TAC1: variants seen among roughly 807,000 people sequenced by gnomAD.
TAC1 encodes the protein protachykinin-1.
In TAC1, 12 loss-of-function variants were observed where a neutral mutation model predicts 21.7. The ratio of observed to expected loss-of-function variants is 0.55; its 90% CI spans 0.35 to 0.89. The LOEUF is 0.89. Among genes scored for constraint, TAC1 ranks in the 40% least tolerant of loss-of-function variants. TAC1 has a pLI of 0.01. For synonymous variants in TAC1, 52 were observed against 52.0 expected (o/e 1.00, Z 0.00); for missense variants, 128 against 151.4 (o/e 0.85, Z 0.81).
At position 97,739,905 on chromosome 7, in the gene TAC1, T is replaced by C. The variant is rs781368234; in HGVS notation, c.375T>C (p.Tyr125=). Residue 125 remains tyrosine (Y), a synonymous_variant, in exon 7 of 7, where the codon TAT becomes TAC. Coordinates refer to ENST00000319273, the MANE Select transcript of TAC1 (RefSeq NM_003182.3). ...VAYERSAMQN[Y]ERRR is the part of the protein sequence containing the mutation. ...ATGAAAGGAGTGCAATGCAGAATTA[T>C]GAAAGAAGACGTTAATAAACTACCT... The C allele has an allele frequency of 1.2e-6, 2 of 1,604,628 alleles. No individual in the cohort carries two copies. Among genetic ancestry groups the C allele is most frequent in the South Asian group, 2.2e-5 (2 of 89,166 alleles).
intron 3 of TAC1, 53 bp downstream of exon 3, chr7:97,733,872 A>T: frequency 6.4e-7 from 1 of 1,551,336 alleles, no homozygotes; most frequent in East Asian, 2.2e-5. Flanking sequence ...CTGTCTGCTC[A>T]CTCCTTCCTG....
intron 6 of TAC1, among the ~76,000 whole-genome samples, chr7:97,738,788 C>A (rs1392174473): frequency 1.3e-5 from 2 of 151,868 alleles, no homozygotes; most frequent in Non-Finnish European, 2.9e-5. Flanking sequence ...TCCTACAGAT[C>A]CTTCACAGAT....
chr7:97,733,268 G>A (rs1789476934), intron 2 of TAC1, among the ~76,000 whole-genome samples: 1 of 152,218 alleles, frequency 6.6e-6, no homozygotes. Context: ...TACAGGCGCT[G>A]GGGAGCGCGC....
At chr7:97,733,851 G>A (rs753573932) in intron 3 of TAC1, 32 bp downstream of exon 3, 1 of 1,604,952 alleles carries the variant, frequency 6.2e-7, no homozygotes, top group Non-Finnish European at 8.5e-7. Flanking sequence ...AGGTGTCTTG[G>A]GCAGCCCGCC....
At position 97,732,562 on chromosome 7, in the gene TAC1, T is replaced by C; in HGVS notation, c.-9-42T>C. The C allele has an allele frequency of 6.2e-7, 1 of 1,611,036 alleles. No homozygotes were observed. Among genetic ancestry groups the C allele is most frequent in the Non-Finnish European group, 8.5e-7 (1 of 1,178,482 alleles). On this transcript the variant is annotated intron_variant, in intron 1 of 6. Transcript: ENST00000319273. This position sits in a 1 kb window ranked among gnomAD's most constrained non-coding sequence, Gnocchi z 6.2. Reference sequence around the variant, plus strand: ...TGGATAACCACCCCTAATAGATACATTATTTCTCTCTTTGGTGTCTTCTCC... The same window carrying C: ...TGGATAACCACCCCTAATAGATACACTATTTCTCTCTTTGGTGTCTTCTCC...
intron 6 of TAC1, among the ~76,000 whole-genome samples, chr7:97,738,744 C>T (rs1789631439): frequency 6.6e-6 from 1 of 152,020 alleles, no homozygotes; most frequent in Non-Finnish European, 1.5e-5. Context: ...CAAATCTTCT[C>T]ACTGAGGAAA....
At chr7:97,736,054 A>G (rs1185924845) in intron 5 of TAC1, among the ~76,000 whole-genome samples, 1 of 152,082 alleles carries the variant, frequency 6.6e-6, no homozygotes, top group South Asian at 2.1e-4. Context: ...TAACAGATAA[A>G]ATATATGAAT....
At position 97,740,242 on chromosome 7, in the gene TAC1, C is replaced by T. The variant is rs73709121; in HGVS notation, c.*322C>T. ...TTTGAAGCAGTTGTGTCAGCTACTGCGGAAAAGGAAGGAAACTCCTGACAG... is the reference window on the plus strand; with the variant it reads ...TTTGAAGCAGTTGTGTCAGCTACTGTGGAAAAGGAAGGAAACTCCTGACAG... On this transcript the variant is annotated 3_prime_UTR_variant, in exon 7 of 7. Transcript: ENST00000319273. 4.3e-5 allele frequency: 8 copies of T among 184,630 alleles called. No homozygotes were observed. Among genetic ancestry groups the T allele is most frequent in the South Asian group, 1.8e-4 (1 of 5,442 alleles). The allele number at this position is 184,630 out of a possible 1,614,324, so 11.4% of individuals were successfully genotyped here.
chr7:97,733,733 C>G lies in TAC1; in HGVS notation c.134C>G (p.Pro45Arg), dbSNP rs748936107. ...YDSDQIKEEL[P>R]EPFEHLLQRI... The stretch of plus-strand genomic sequence containing the variant: ...GCTTTTGTCTCCCAGGAGGAACTGC[C>G]GGAGCCCTTTGAGCATCTTCTGCAG... The change falls in exon 3 of 7, where the codon CCG becomes CGG. Residue 45 changes from proline to arginine, a missense_variant. Pro to Arg is a moderately radical substitution (Grantham distance 103, BLOSUM62 -2). Coordinates refer to ENST00000319273, the MANE Select transcript of TAC1 (RefSeq NM_003182.3). 17 of 1,613,960 alleles carry G rather than the reference C, an allele frequency of 1.1e-5. No homozygotes were observed. The highest frequency in any genetic ancestry group is 1.4e-5 in the Non-Finnish European group (17 of 1,179,990).
At chr7:97,738,589 C>T (rs1789627187) in intron 6 of TAC1, among the ~76,000 whole-genome samples, 1 of 151,946 alleles carries the variant, frequency 6.6e-6, no homozygotes, top group Non-Finnish European at 1.5e-5. Context: ...TTGGCTCAGA[C>T]TGTTCTGCCT....
At position 97,732,369 on chromosome 7, in the gene TAC1, G is replaced by A. The variant is rs1393385486; in HGVS notation, c.-10+174G>A. Among the ~76,000 whole-genome samples, 2 of 152,192 alleles carry A rather than the reference G, an allele frequency of 1.3e-5. No individual in the cohort carries two copies. The highest frequency in any genetic ancestry group is 3.9e-4 in the East Asian group (2 of 5,182). On this transcript the variant is annotated intron_variant, in intron 1 of 6. Coordinates refer to ENST00000319273, the MANE Select transcript of TAC1 (RefSeq NM_003182.3). The surrounding 1 kb of genome is among the most constrained non-coding windows in gnomAD (Gnocchi z 6.2). ...GCAGAGTTTCCTGGTTTGAAGGTGTGGGTTGGTGGGTTAGGGGGCTGGGGG... is the reference window on the plus strand; with the variant it reads ...GCAGAGTTTCCTGGTTTGAAGGTGTAGGTTGGTGGGTTAGGGGGCTGGGGG...
intron 6 of TAC1, among the ~76,000 whole-genome samples, chr7:97,738,576 G>A (rs1789626805): frequency 1.3e-5 from 2 of 151,988 alleles, no homozygotes; most frequent in South Asian, 4.1e-4. Flanking sequence ...CGCCTGTCCA[G>A]TGTTGGCTCA....
intron 5 of TAC1, 60 bp from the exon 6 acceptor site, chr7:97,736,239 A>C: frequency 7.1e-7 from 1 of 1,410,456 alleles, no homozygotes; most frequent in South Asian, 1.2e-5. Context: ...TGTTCTGGTT[A>C]TAATAGTTTG....
Position 97,733,760 on chromosome 7 carries a change from G to C in TAC1, c.161G>C (p.Arg54Thr). The C allele has an allele frequency of 6.2e-7, 1 of 1,614,160 alleles. No individual in the cohort carries two copies. The highest frequency in any genetic ancestry group is 8.5e-7 in the Non-Finnish European group (1 of 1,180,028). ...LPEPFEHLLQRIARRPKPQQF... is the reference protein window; with the variant it reads ...LPEPFEHLLQTIARRPKPQQF... ...GAGCCCTTTGAGCATCTTCTGCAGA[G>C]AATCGCCCGGAGACCCAAGCCTCAG... The change falls in exon 3 of 7, where the codon AGA becomes ACA. Residue 54 changes from arginine to threonine, a missense_variant. Arg to Thr is a moderately conservative substitution (Grantham distance 71, BLOSUM62 -1). Transcript: ENST00000319273.
rs767378831 is a variant in TAC1, at chr7:97,739,962, T to C, written c.*42T>C. ...ATTTATTCAGCTTCATTTGTGTCAA[T>C]GGGCAATGACAGGTAAATTAAGACA... On this transcript the variant is annotated 3_prime_UTR_variant, in exon 7 of 7. Coordinates refer to ENST00000319273, the MANE Select transcript of TAC1 (RefSeq NM_003182.3). 7 of 1,432,038 alleles carry C rather than the reference T, an allele frequency of 4.9e-6. No homozygotes were observed. In the East Asian group the frequency reaches 9.3e-5, roughly 19 times the overall value. 88.7% of individuals were successfully genotyped at this position (1,432,038 alleles called of 1,614,324 possible).
Position 97,733,714 on chromosome 7 carries a change from G to A in TAC1, c.124-9G>A. Reference sequence around the variant, plus strand: ...TTACACGCCCTTTGTCCGTGCTTTTGTCTCCCAGGAGGAACTGCCGGAGCC... The same window carrying A: ...TTACACGCCCTTTGTCCGTGCTTTTATCTCCCAGGAGGAACTGCCGGAGCC... On this transcript the variant is annotated splice_polypyrimidine_tract_variant and intron_variant, in intron 2 of 6. Transcript: ENST00000319273. 1 of 1,613,888 alleles carries A rather than the reference G, an allele frequency of 6.2e-7. No homozygotes were observed. The highest frequency in any genetic ancestry group is 8.5e-7 in the Non-Finnish European group (1 of 1,179,910).
chr7:97,732,557 ATACAT>A lies in TAC1; in HGVS notation c.-9-44_-9-40del. ...ACTCTTGGATAACCACCCCTAATAGATACATTATTTCTCTCTTTGGTGTCTTCTCC... is the reference window on the plus strand; with the variant it reads ...ACTCTTGGATAACCACCCCTAATAGATATTTCTCTCTTTGGTGTCTTCTCC... On this transcript the variant is annotated intron_variant, in intron 1 of 6. Coordinates refer to ENST00000319273, the MANE Select transcript of TAC1 (RefSeq NM_003182.3). The surrounding 1 kb of genome is among the most constrained non-coding windows in gnomAD (Gnocchi z 6.2). 1.9e-6 allele frequency: 3 copies of A among 1,608,806 alleles called. No homozygotes were observed. Among genetic ancestry groups the A allele is most frequent in the Non-Finnish European group, 2.5e-6 (3 of 1,177,190 alleles).
At chr7:97,737,470 C>T (rs1264728867) in intron 6 of TAC1, among the ~76,000 whole-genome samples, 2 of 151,664 alleles carry the variant, frequency 1.3e-5, no homozygotes, top group East Asian at 1.9e-4. Context: ...AAACCACTTT[C>T]TGTGGGGCAA....
At chr7:97,738,634 G>C (rs1789628126) in intron 6 of TAC1, among the ~76,000 whole-genome samples, 1 of 143,960 alleles carries the variant, frequency 6.9e-6, no homozygotes, top group Non-Finnish European at 1.6e-5. Flanking sequence ...AAAATATGCA[G>C]CTTATTGTTA....
Sources: gnomAD v4.1 joint callset for allele counts (sites outside exome capture counted in the v4.1 genomes callset) on GRCh38, gnomAD v4.1.1 for gene constraint, Gnocchi (gnomAD v3.1) non-coding constraint, MANE v1.5 for transcripts, NCBI Gene and HGNC (gene_info 2026-07-23, HGNC 2026-07-21) for gene names.